Variants in STK32A observed in about 807,000 individuals in gnomAD.
STK32A encodes serine/threonine-protein kinase 32A.
STK32A carries 41 observed loss-of-function variants against 53.2 expected under a neutral mutation model. The observed-to-expected ratio is 0.77, with a 90% CI of 0.60 to 1.00. The LOEUF is 1.00. Among genes scored for constraint, STK32A ranks in the 50% least tolerant of loss-of-function variants. STK32A has a pLI of 0.00. For synonymous variants in STK32A, 166 were observed against 162.8 expected (o/e 1.02, Z -0.15); for missense variants, 458 against 485.8 (o/e 0.94, Z 0.54).
At chr5:147,333,873 T>G (rs1754991649) in intron 5 of STK32A, among the ~76,000 whole-genome samples, 1 of 152,140 alleles carries the variant, frequency 6.6e-6, no homozygotes, top group Non-Finnish European at 1.5e-5. Context: ...ATTAAGAGGC[T>G]TTGGAATAGT....
chr5:147,306,768 A>G (rs867300878), intron 4 of STK32A, among the ~76,000 whole-genome samples: 1 of 152,134 alleles, frequency 6.6e-6, no homozygotes, highest in Admixed American at 6.5e-5. Context: ...AAATATTTCT[A>G]AGGAAAGGGA....
chr5:147,350,323 A>G (rs929917526), intron 6 of STK32A, among the ~76,000 whole-genome samples: 2 of 151,670 alleles, frequency 1.3e-5, no homozygotes, highest in African/African-American at 4.8e-5. Context: ...TTGTATCCAT[A>G]TTCATGCCAG....
chr5:147,379,667 A>C (rs942587833), intron 11 of STK32A, among the ~76,000 whole-genome samples: 2 of 152,094 alleles, frequency 1.3e-5, no homozygotes, highest in African/African-American at 2.4e-5. Flanking sequence ...GTATAGAATC[A>C]ACAGACTGCC....
At chr5:147,345,050 A>G (rs1219066051) in intron 6 of STK32A, among the ~76,000 whole-genome samples, 1 of 152,174 alleles carries the variant, frequency 6.6e-6, no homozygotes, top group African/African-American at 2.4e-5. Context: ...AAGTTTAACC[A>G]CCTTTAGAGA....
chr5:147,370,044 G>T lies in STK32A; in HGVS notation c.661-610G>T, dbSNP rs538428505. Among the ~76,000 whole-genome samples the T allele has an allele frequency of 5.9e-5, 9 of 152,120 alleles. No individual in the cohort carries two copies. The South Asian group carries it at 1.9e-3, about 32-fold the overall frequency. ...ATTACTTTTCTTCAAAATTAAAACT[G>T]TAGAAGAACCTGGTTCTTCCCCCAA... On this transcript the variant is annotated intron_variant, in intron 8 of 12. Transcript: ENST00000397936.
At chr5:147,256,758 T>C (rs896296966) in intron 2 of STK32A, among the ~76,000 whole-genome samples, 2 of 152,132 alleles carry the variant, frequency 1.3e-5, no homozygotes, top group Non-Finnish European at 2.9e-5. Flanking sequence ...GTGATCCCCC[T>C]GCCTCGGCCT....
chr5:147,348,669 T>C (rs773791493), intron 6 of STK32A: 3 of 768,098 alleles, frequency 3.9e-6, no homozygotes, highest in Admixed American at 1.7e-5. Context: ...CTGAATCACC[T>C]GTGGAATTTG....
chr5:147,250,693 G>A (rs1753949186), intron 2 of STK32A, among the ~76,000 whole-genome samples: 1 of 152,096 alleles, frequency 6.6e-6, no homozygotes, highest in Non-Finnish European at 1.5e-5. Flanking sequence ...TGTAATCCCA[G>A]CACTTTGGGA....
intron 7 of STK32A, among the ~76,000 whole-genome samples, chr5:147,356,841 C>T (rs1168383895): frequency 2.0e-5 from 3 of 152,020 alleles, no homozygotes; most frequent in Non-Finnish European, 4.4e-5. Context: ...CTTCTGGTCC[C>T]AAGTATTTCA....
chr5:147,259,818 C>T (rs1025701527), intron 2 of STK32A, among the ~76,000 whole-genome samples: 2 of 138,078 alleles, frequency 1.4e-5, no homozygotes, highest in Non-Finnish European at 3.1e-5. Context: ...CTGTTTCTCT[C>T]TCTCTCTTGT....
chr5:147,285,193 A>C (rs1420857959), intron 4 of STK32A, among the ~76,000 whole-genome samples: 3 of 152,112 alleles, frequency 2.0e-5, no homozygotes, highest in Non-Finnish European at 4.4e-5. Context: ...ATGAAAACAT[A>C]AAGTGGGAAA....
chr5:147,317,964 A>T (rs1432738005), intron 4 of STK32A, among the ~76,000 whole-genome samples: 2 of 152,184 alleles, frequency 1.3e-5, no homozygotes, highest in Non-Finnish European at 2.9e-5. Context: ...TTTTTCTTAC[A>T]TCTATTTGGC....
intron 2 of STK32A, among the ~76,000 whole-genome samples, chr5:147,271,567 A>C (rs55778516): frequency 0.066 from 10,036 of 152,240 alleles, 393 homozygotes; most frequent in South Asian, 0.085. Context: ...TTTCAAAAGC[A>C]AATGGGAGAA....
At chr5:147,347,283 T>C (rs1056815593) in intron 6 of STK32A, among the ~76,000 whole-genome samples, 1 of 151,320 alleles carries the variant, frequency 6.6e-6, no homozygotes, top group Non-Finnish European at 1.5e-5. Flanking sequence ...TAAAATGAAT[T>C]CAGATTTTTT....
At chr5:147,367,093 T>C (rs1229353029) in intron 8 of STK32A, among the ~76,000 whole-genome samples, 2 of 151,338 alleles carry the variant, frequency 1.3e-5, no homozygotes, top group African/African-American at 4.9e-5. Flanking sequence ...CTCAGGAGAG[T>C]CTTGCTCTGT....
chr5:147,278,098 T>A (rs1751851455), intron 2 of STK32A, 26 bp from the exon 3 acceptor site: 1 of 1,557,610 alleles, frequency 6.4e-7, no homozygotes, highest in Non-Finnish European at 8.7e-7. Flanking sequence ...TAATTACTCA[T>A]GATATTCTTC....
chr5:147,291,951 C>T (rs916713554), intron 4 of STK32A, among the ~76,000 whole-genome samples: 1 of 152,154 alleles, frequency 6.6e-6, no homozygotes, highest in African/African-American at 2.4e-5. Context: ...GGAACTTTTT[C>T]ATAAGGAATC....
chr5:147,239,712 T>C lies in STK32A; in HGVS notation c.52+26T>C, dbSNP rs750116154. ...GTAAGAAATATGGGATAGTGGCATATAAAAAATAGAATTTTGCAAAATTCA... is the reference window on the plus strand; with the variant it reads ...GTAAGAAATATGGGATAGTGGCATACAAAAAATAGAATTTTGCAAAATTCA... On this transcript the variant is annotated intron_variant, in intron 2 of 12. Coordinates refer to ENST00000397936, the MANE Select transcript of STK32A (RefSeq NM_001112724.2). 9.5e-6 allele frequency: 15 copies of C among 1,578,412 alleles called. No homozygotes were observed. The South Asian group carries it at 1.7e-4, about 18-fold the overall frequency.
intron 2 of STK32A, among the ~76,000 whole-genome samples, chr5:147,265,574 T>C (rs1399029366): frequency 1.3e-5 from 2 of 152,190 alleles, no homozygotes; most frequent in Admixed American, 1.3e-4. Context: ...GGTTTTGTTT[T>C]GTCAGACTGC....
Sources: allele counts gnomAD v4.1 joint callset (sites outside exome capture counted in the v4.1 genomes callset), GRCh38; gene constraint gnomAD v4.1.1; transcripts MANE v1.5; gene names NCBI Gene and HGNC (gene_info 2026-07-23, HGNC 2026-07-21).